Variants in NET1 observed in about 807,000 individuals in gnomAD.
NET1 encodes neuroepithelial cell transforming 1, also known as neuroepithelial cell-transforming gene 1 protein.
A neutral mutation model predicts 61.1 loss-of-function variants in NET1; 42 were observed. The ratio of observed to expected loss-of-function variants is 0.69; its 90% CI spans 0.54 to 0.89. NET1 has a LOEUF of 0.89. NET1 is among the 40% of genes least tolerant of loss of function. The pLI, the probability that NET1 is intolerant of heterozygous loss-of-function variation, is 0.00. For missense variants in NET1, 654 were observed against 747.3 expected (o/e 0.88, Z 1.46); for synonymous variants, 254 against 281.8 (o/e 0.90, Z 0.99).
In NET1 at chr10:5,415,606, A is replaced by AT. The variant is rs1402502334; in HGVS notation, c.128+2792dup. Among the ~76,000 whole-genome samples the AT allele has an allele frequency of 1.3e-5, 2 of 151,958 alleles. No individual in the cohort carries two copies. Among genetic ancestry groups the AT allele is most frequent in the Non-Finnish European group, 2.9e-5 (2 of 67,984 alleles). The stretch of plus-strand genomic sequence containing the variant: ...AGGCATGTGTCACCACGTGTGGCTA[A>AT]TTTTTTGTATTTTTAGTAAAGACAG... On this transcript the variant is annotated intron_variant, in intron 1 of 11. Coordinates refer to ENST00000355029, the MANE Select transcript of NET1 (RefSeq NM_001047160.3). This position sits in a 1 kb window ranked among gnomAD's most constrained non-coding sequence, Gnocchi z 4.7.
In NET1 at chr10:5,453,727, A is replaced by AC. The variant is rs2094805444; in HGVS notation, c.768+167_768+168insC. 6.6e-6 allele frequency among the ~76,000 whole-genome samples: 1 copy of AC among 151,906 alleles called. No individual in the cohort carries two copies. Among genetic ancestry groups the AC allele is most frequent in the African/African-American group, 2.4e-5 (1 of 41,370 alleles). Reference sequence around the variant, plus strand: ...ACATAAGAAGTTACAGTCTGTTTAAAAAAAAAAAAAAACACCTTCATTAAT... The same window carrying AC: ...ACATAAGAAGTTACAGTCTGTTTAAACAAAAAAAAAAAACACCTTCATTAAT... On this transcript the variant is annotated intron_variant, in intron 8 of 11. Coordinates refer to ENST00000355029, the MANE Select transcript of NET1 (RefSeq NM_001047160.3). The surrounding 1 kb of genome is among the most constrained non-coding windows in gnomAD (Gnocchi z 4.9).
Position 5,454,962 on chromosome 10 carries a change from G to C in NET1, c.1041G>C (p.Gln347His). ...QLLEDAILII[Q>H]GVLSDINLKK... The stretch of plus-strand genomic sequence containing the variant: ...ATCATTTTCAGATATTGATAATACA[G>C]GGAGTCCTCTCTGATATCAACTTGA... The change falls in exon 10 of 12, where the codon CAG becomes CAC. Residue 347 changes from glutamine to histidine, a missense_variant. By Grantham distance (24) the Gln-to-His change is conservative (BLOSUM62 0). Transcript: ENST00000355029. This position sits in a 1 kb window ranked among gnomAD's most constrained non-coding sequence, Gnocchi z 8.1. The C allele has an allele frequency of 6.2e-7, 1 of 1,613,934 alleles. No homozygotes were observed. Among genetic ancestry groups the C allele is most frequent in the Non-Finnish European group, 8.5e-7 (1 of 1,179,926 alleles).
chr10:5,444,120 G>A lies in NET1; in HGVS notation c.256-7710G>A, dbSNP rs1250942739. Among the ~76,000 whole-genome samples, 1 of 152,170 alleles carries A rather than the reference G, an allele frequency of 6.6e-6. No homozygotes were observed. The highest frequency in any genetic ancestry group is 3.2e-3 in the Middle Eastern group (1 of 316). On this transcript the variant is annotated intron_variant, in intron 3 of 11. Transcript: ENST00000355029. This position sits in a 1 kb window ranked among gnomAD's most constrained non-coding sequence, Gnocchi z 5.3. ...ATTAGGAGTCCACAATCGCTCAGGTGCTTCTACTTTCATGCTATATGGAAA... is the reference window on the plus strand; with the variant it reads ...ATTAGGAGTCCACAATCGCTCAGGTACTTCTACTTTCATGCTATATGGAAA...
intron 2 of NET1, among the ~76,000 whole-genome samples, chr10:5,428,049 T>TCC (rs1832287130): frequency 7.6e-6 from 1 of 132,222 alleles, no homozygotes; most frequent in African/African-American, 2.8e-5. Flanking sequence ...TTTTTTTTTT[T>TCC]TTTTTTTTTT....
Position 5,458,247 on chromosome 10 carries a change from A to C in NET1, c.*1253A>C, listed in dbSNP as rs1832841175. ...AGACTGGTGAATCTTTTATTACAAA[A>C]TGTTTCTGTTAAAATGGGATCATCA... On this transcript the variant is annotated 3_prime_UTR_variant, in exon 12 of 12. Transcript: ENST00000355029. This position sits in a 1 kb window ranked among gnomAD's most constrained non-coding sequence, Gnocchi z 4.5. The C allele has an allele frequency of 6.6e-6, 1 of 152,270 alleles. No homozygotes were observed. Among genetic ancestry groups the C allele is most frequent in the Non-Finnish European group, 1.5e-5 (1 of 68,034 alleles). 9.4% of individuals were successfully genotyped at this position (152,270 alleles called of 1,614,324 possible). A position where few individuals can be genotyped will look rare whatever the true frequency, so the allele number is the denominator to read the frequency against.
chr10:5,439,480 A>AT lies in NET1; in HGVS notation c.255+10251_255+10252insT, dbSNP rs1832490458. On this transcript the variant is annotated intron_variant, in intron 3 of 11. Coordinates refer to ENST00000355029, the MANE Select transcript of NET1 (RefSeq NM_001047160.3). The surrounding 1 kb of genome is among the most constrained non-coding windows in gnomAD (Gnocchi z 4.8). ...ATACTGATGCCCTTTGGTCTTCCTT[A>AT]AGCCAATCACAAATGGACCATTTCC... Among the ~76,000 whole-genome samples, 1 of 152,188 alleles carries AT rather than the reference A, an allele frequency of 6.6e-6. No individual in the cohort carries two copies. The highest frequency in any genetic ancestry group is 2.4e-5 in the African/African-American group (1 of 41,442).
rs1832066612 is a variant in NET1 at position 5,415,499 on chromosome 10, G to C, written c.128+2679G>C. On this transcript the variant is annotated intron_variant, in intron 1 of 11. Coordinates refer to ENST00000355029, the MANE Select transcript of NET1 (RefSeq NM_001047160.3). This position sits in a 1 kb window ranked among gnomAD's most constrained non-coding sequence, Gnocchi z 4.7. ...CTGTCACCGGGGCTGGAGTACAGTGGCATGATCTCGGCTCACTGCAACCTC... is the reference window on the plus strand; with the variant it reads ...CTGTCACCGGGGCTGGAGTACAGTGCCATGATCTCGGCTCACTGCAACCTC... Among the ~76,000 whole-genome samples, 1 of 151,648 alleles carries C rather than the reference G, an allele frequency of 6.6e-6. No homozygotes were observed.
At position 5,453,768 on chromosome 10, in the gene NET1, G is replaced by T. The variant is rs551099646; in HGVS notation, c.768+208G>T. On this transcript the variant is annotated intron_variant, in intron 8 of 11. Coordinates refer to ENST00000355029, the MANE Select transcript of NET1 (RefSeq NM_001047160.3). This position sits in a 1 kb window ranked among gnomAD's most constrained non-coding sequence, Gnocchi z 4.9. ...CTTCATTAATGCTATAGGTTCATTT[G>T]TGTTACAAATACGTTCCTGCTTGGA... is the stretch of plus-strand genomic sequence containing the variant. Among the ~76,000 whole-genome samples, 1 of 151,438 alleles carries T rather than the reference G, an allele frequency of 6.6e-6. No homozygotes were observed. The highest frequency in any genetic ancestry group is 2.1e-4 in the South Asian group (1 of 4,806).
In NET1 at chr10:5,426,135, G is replaced by A. The variant is rs1302531070; in HGVS notation, c.129-520G>A. 6.6e-6 allele frequency among the ~76,000 whole-genome samples: 1 copy of A among 152,110 alleles called. No individual in the cohort carries two copies. The highest frequency in any genetic ancestry group is 1.5e-5 in the Non-Finnish European group (1 of 68,000). ...TCTTGAGATCTTTGTCTCAAATGTAGTTATTCATAGCTTTGTATTTTGTTT... is the reference window on the plus strand; with the variant it reads ...TCTTGAGATCTTTGTCTCAAATGTAATTATTCATAGCTTTGTATTTTGTTT... On this transcript the variant is annotated intron_variant, in intron 1 of 11. Coordinates refer to ENST00000355029, the MANE Select transcript of NET1 (RefSeq NM_001047160.3). The surrounding 1 kb of genome is among the most constrained non-coding windows in gnomAD (Gnocchi z 4.6).
intron 3 of NET1, among the ~76,000 whole-genome samples, chr10:5,432,714 CTTTTT>C (rs150553760): frequency 1.4e-5 from 2 of 146,144 alleles, no homozygotes; most frequent in Admixed American, 1.4e-4. Context: ...CAGATGAAAT[CTTTTT>C]TTTTTTTAAT....
chr10:5,430,406 G>A (rs551808809), intron 3 of NET1, among the ~76,000 whole-genome samples: 148 of 143,658 alleles, frequency 1.0e-3, no homozygotes, highest in African/African-American at 3.6e-3. Context: ...GCGGAGTCTC[G>A]CTCTGTCTCC....
In NET1 at chr10:5,412,657, G is replaced by A; in HGVS notation, c.-36G>A. On this transcript the variant is annotated 5_prime_UTR_variant, in exon 1 of 12. Transcript: ENST00000355029. This position sits in a 1 kb window ranked among gnomAD's most constrained non-coding sequence, Gnocchi z 6.5. ...CGTGCCCGTCCCTGCCGGTCTCCCG[G>A]GCACCCGGCCACCGCCCCACCCCCT... is the stretch of plus-strand genomic sequence containing the variant. 3 of 1,452,126 alleles carry A rather than the reference G, an allele frequency of 2.1e-6. No homozygotes were observed. Among genetic ancestry groups the A allele is most frequent in the Non-Finnish European group, 9.0e-7 (1 of 1,114,044 alleles). The allele number at this position is 1,452,126 out of a possible 1,614,324, so 90.0% of individuals were successfully genotyped here.
chr10:5,452,036 T>C lies in NET1; in HGVS notation c.363+99T>C, dbSNP rs1588439570. 1.2e-6 allele frequency: 1 copy of C among 842,680 alleles called. No homozygotes were observed. Among genetic ancestry groups the C allele is most frequent in the East Asian group, 2.5e-5 (1 of 39,486 alleles). The allele number at this position is 842,680 out of a possible 1,614,324, so 52.2% of individuals were successfully genotyped here. ...CTGTACAAACAAGTTTGCATTATTA[T>C]ATTTAAACATAGTTTTCTTTTTGGA... On this transcript the variant is annotated intron_variant, in intron 4 of 11. Coordinates refer to ENST00000355029, the MANE Select transcript of NET1 (RefSeq NM_001047160.3). This position sits in a 1 kb window ranked among gnomAD's most constrained non-coding sequence, Gnocchi z 4.0.
Position 5,431,160 on chromosome 10 carries a change from C to T in NET1, c.255+1931C>T, listed in dbSNP as rs528150805. On this transcript the variant is annotated intron_variant, in intron 3 of 11. Transcript: ENST00000355029. This position sits in a 1 kb window ranked among gnomAD's most constrained non-coding sequence, Gnocchi z 4.9. ...TGCTGGGATTACAGGCGTGAGCCAC[C>T]GCGCCCGGCCTTAACTATATCTCTT... Among the ~76,000 whole-genome samples, 32 of 152,292 alleles carry T rather than the reference C, an allele frequency of 2.1e-4. 1 individual carries two copies. Among genetic ancestry groups the T allele is most frequent in the African/African-American group, 7.5e-4 (31 of 41,568 alleles).
Position 5,451,535 on chromosome 10 carries a change from G to C in NET1, c.256-295G>C, listed in dbSNP as rs1416066396. 6.7e-6 allele frequency among the ~76,000 whole-genome samples: 1 copy of C among 148,542 alleles called. No individual in the cohort carries two copies. The highest frequency in any genetic ancestry group is 2.5e-5 in the African/African-American group (1 of 40,476). On this transcript the variant is annotated intron_variant, in intron 3 of 11. Coordinates refer to ENST00000355029, the MANE Select transcript of NET1 (RefSeq NM_001047160.3). The surrounding 1 kb of genome is among the most constrained non-coding windows in gnomAD (Gnocchi z 6.1). ...TTAAAAAAAAAAAAAGTTATTCCCT[G>C]CATTAAACTGAAAAGTTCATTAGAT...
In NET1 at chr10:5,415,332, G is replaced by T. The variant is rs1588420968; in HGVS notation, c.128+2512G>T. On this transcript the variant is annotated intron_variant, in intron 1 of 11. Transcript: ENST00000355029. This position sits in a 1 kb window ranked among gnomAD's most constrained non-coding sequence, Gnocchi z 4.7. ...CTATTGTTCCTCTCCTACCCCTTCT[G>T]CCCTAAAACCTAATCTGTCGGTCTG... Among the ~76,000 whole-genome samples, 5 of 152,130 alleles carry T rather than the reference G, an allele frequency of 3.3e-5. No homozygotes were observed. In the South Asian group the frequency reaches 8.3e-4, roughly 25 times the overall value.
rs1268733932 is a variant in NET1, at chr10:5,417,269, G to C, written c.128+4449G>C. ...TCGGGGGGTTTTTATAGGCACAGGTGGGGGCGTGCTTTTATAGGCACAGGA... is the reference window on the plus strand; with the variant it reads ...TCGGGGGGTTTTTATAGGCACAGGTCGGGGCGTGCTTTTATAGGCACAGGA... On this transcript the variant is annotated intron_variant, in intron 1 of 11. Coordinates refer to ENST00000355029, the MANE Select transcript of NET1 (RefSeq NM_001047160.3). The surrounding 1 kb of genome is among the most constrained non-coding windows in gnomAD (Gnocchi z 5.5). Among the ~76,000 whole-genome samples the C allele has an allele frequency of 1.3e-5, 2 of 151,994 alleles. No homozygotes were observed. The highest frequency in any genetic ancestry group is 1.3e-4 in the Admixed American group (2 of 15,276).
chr10:5,429,718 A>G (rs1398841010), intron 3 of NET1, among the ~76,000 whole-genome samples: 9 of 152,244 alleles, frequency 5.9e-5, no homozygotes, highest in Non-Finnish European at 1.2e-4. Context: ...CAAGTATGTG[A>G]CATAGAATAA....
chr10:5,456,708 C>T lies in NET1; in HGVS notation c.1505C>T (p.Pro502Leu), dbSNP rs201622703. 5 of 1,614,160 alleles carry T rather than the reference C, an allele frequency of 3.1e-6. No individual in the cohort carries two copies. The highest frequency in any genetic ancestry group is 4.2e-6 in the Non-Finnish European group (5 of 1,180,022). Reference protein sequence around the residue: ...WFNCIRAAIAPFQSAGSPPEL... With the variant: ...WFNCIRAAIALFQSAGSPPEL... ...AACTGTATTCGAGCGGCCATTGCCCCCTTCCAGTCGGCAGGCAGTCCACCT... is the reference window on the plus strand; with the variant it reads ...AACTGTATTCGAGCGGCCATTGCCCTCTTCCAGTCGGCAGGCAGTCCACCT... Residue 502 changes from proline to leucine, a missense_variant, in exon 12 of 12, where the codon CCC becomes CTC. By Grantham distance (98) the Pro-to-Leu change is moderately conservative. Coordinates refer to ENST00000355029, the MANE Select transcript of NET1 (RefSeq NM_001047160.3). This position sits in a 1 kb window ranked among gnomAD's most constrained non-coding sequence, Gnocchi z 7.0.
Sources: gnomAD v4.1 joint callset for allele counts (sites outside exome capture counted in the v4.1 genomes callset) on GRCh38, gnomAD v4.1.1 for gene constraint, Gnocchi (gnomAD v3.1) non-coding constraint, MANE v1.5 for transcripts, NCBI Gene and HGNC (gene_info 2026-07-23, HGNC 2026-07-21) for gene names.